Variants in HS6ST3 observed in about 807,000 individuals in gnomAD.
HS6ST3 encodes the protein heparan-sulfate 6-O-sulfotransferase 3.
In HS6ST3, 12 loss-of-function variants were observed where a neutral mutation model predicts 36.7. The observed-to-expected ratio is 0.33, with a 90% confidence interval of 0.21 to 0.53. HS6ST3 has a LOEUF of 0.53. Among genes scored for constraint, HS6ST3 ranks in the 20% least tolerant of loss-of-function variants. HS6ST3 has a pLI of 0.95. For synonymous variants in HS6ST3, 240 were observed against 257.5 expected (o/e 0.93, Z 0.65); for missense variants, 584 against 640.9 (o/e 0.91, Z 0.96).
intron 1 of HS6ST3, among the ~76,000 whole-genome samples, chr13:96,381,400 A>ATGTATCTG (rs2055340278): frequency 8.2e-6 from 1 of 121,924 alleles, no homozygotes; most frequent in Non-Finnish European, 1.7e-5. Flanking sequence ...CTATGTATCT[A>ATGTATCTG]TGTATCTATG....
At position 96,091,016 on chromosome 13, in the gene HS6ST3, C is replaced by T. The variant is rs768829684; in HGVS notation, c.154C>T (p.Pro52Ser). Reference sequence around the variant, plus strand: ...GGGGGAGGCCGGCCCGCCCGCCGTCCCGGGTCCCGCCCGCCGGGCTCAGGC... The same window carrying T: ...GGGGGAGGCCGGCCCGCCCGCCGTCTCGGGTCCCGCCCGCCGGGCTCAGGC... ...RAGEAGPPAV[P>S]GPARRAQAPP... The change falls in exon 1 of 2, where the codon CCG (proline) becomes TCG (serine). Residue 52 changes from proline (P) to serine (S), a missense_variant. Pro to Ser is a moderately conservative substitution (Grantham distance 74, BLOSUM62 -1). Around this residue, in one of 3 missense-constraint regions of HS6ST3, gnomAD observed 217 missense variants for 205.4 expected, o/e 1.06. Transcript: ENST00000376705. 4.0e-6 allele frequency: 5 copies of T among 1,265,170 alleles called. No homozygotes were observed. The highest frequency in any genetic ancestry group is 6.1e-5 in the East Asian group (2 of 32,552). The allele number at this position is 1,265,170 out of a possible 1,614,324, so 78.4% of individuals were successfully genotyped here.
At chr13:96,498,499 G>T (rs2055988344) in intron 1 of HS6ST3, among the ~76,000 whole-genome samples, 2 of 152,114 alleles carry the variant, frequency 1.3e-5, no homozygotes, top group Non-Finnish European at 2.9e-5. Context: ...GTCTCCTCCT[G>T]ATTGAAGCCT....
At chr13:96,719,417 T>G (rs1427010425) in intron 1 of HS6ST3, among the ~76,000 whole-genome samples, 1 of 152,112 alleles carries the variant, frequency 6.6e-6, no homozygotes, top group South Asian at 2.1e-4. Flanking sequence ...GTAATGTTTG[T>G]GTTTTGACTT....
chr13:96,792,173 G>T (rs973821880), intron 1 of HS6ST3, among the ~76,000 whole-genome samples: 3 of 151,992 alleles, frequency 2.0e-5, no homozygotes, highest in Non-Finnish European at 4.4e-5. Context: ...ATTGTTTTCT[G>T]AGCACTTTGC....
chr13:96,456,766 A>G (rs530409527), intron 1 of HS6ST3, among the ~76,000 whole-genome samples: 1 of 152,158 alleles, frequency 6.6e-6, no homozygotes, highest in African/African-American at 2.4e-5. Flanking sequence ...TGGAATTTAT[A>G]AAACTTTACT....
At chr13:96,271,105 AG>A in intron 1 of HS6ST3, among the ~76,000 whole-genome samples, 2 of 151,910 alleles carry the variant, frequency 1.3e-5, no homozygotes, top group Admixed American at 1.3e-4. Flanking sequence ...GGGGAAGAAA[AG>A]TGCCCTGGTG....
intron 1 of HS6ST3, among the ~76,000 whole-genome samples, chr13:96,353,814 A>G (rs973904832): frequency 6.6e-6 from 1 of 152,218 alleles, no homozygotes; most frequent in African/African-American, 2.4e-5. Flanking sequence ...TTGCCAACAT[A>G]TAAAGGATTT....
intron 1 of HS6ST3, among the ~76,000 whole-genome samples, chr13:96,334,386 C>T (rs759515674): frequency 5.9e-5 from 9 of 152,254 alleles, no homozygotes; most frequent in Non-Finnish European, 1.3e-4. Flanking sequence ...TCCCTGACGT[C>T]TCCCCAGAAG....
chr13:96,584,395 C>T (rs2056353343), intron 1 of HS6ST3, among the ~76,000 whole-genome samples: 1 of 152,138 alleles, frequency 6.6e-6, no homozygotes, highest in South Asian at 2.1e-4. Context: ...CTGCCCACCT[C>T]AGCCTCCCAA....
intron 1 of HS6ST3, among the ~76,000 whole-genome samples, chr13:96,516,334 T>C (rs1193156816): frequency 1.3e-5 from 2 of 152,042 alleles, no homozygotes; most frequent in Non-Finnish European, 2.9e-5. Flanking sequence ...GGATTATGAG[T>C]GTGAGCCACC....
In HS6ST3 at chr13:96,358,308, A is replaced by G. The variant is rs1438137418; in HGVS notation, c.707+266739A>G. ...CATACTATCTCATCACAGGCTACCT[A>G]TCTAATACAAAGTGAAAATGTGCTT... On this transcript the variant is annotated intron_variant, in intron 1 of 1. Coordinates refer to ENST00000376705, the MANE Select transcript of HS6ST3 (RefSeq NM_153456.4). Among the ~76,000 whole-genome samples the G allele has an allele frequency of 4.1e-5, 6 of 147,016 alleles. No homozygotes were observed. The East Asian group carries it at 8.1e-4, about 20-fold the overall frequency.
At chr13:96,702,165 G>A (rs754977246) in intron 1 of HS6ST3, among the ~76,000 whole-genome samples, 1 of 152,142 alleles carries the variant, frequency 6.6e-6, no homozygotes, top group African/African-American at 2.4e-5. Context: ...GGCAACATTG[G>A]GTTATGGTTT....
chr13:96,655,904 T>A (rs1233957621), intron 1 of HS6ST3, among the ~76,000 whole-genome samples: 1 of 152,132 alleles, frequency 6.6e-6, no homozygotes, highest in Non-Finnish European at 1.5e-5. Context: ...ATTGTGCATC[T>A]CAAGGACGAA....
rs560606798 is a variant in HS6ST3, at chr13:96,129,081, A to T, written c.707+37512A>T. Among the ~76,000 whole-genome samples, 19 of 152,280 alleles carry T rather than the reference A, an allele frequency of 1.2e-4. 1 individual carries two copies. The highest frequency in any genetic ancestry group is 1.2e-3 in the South Asian group (6 of 4,828). ...AGCCTCATCTCCAACTCCTGACCTC[A>T]GGTGATCCGTCTGCTTCAGCCTCCC... On this transcript the variant is annotated intron_variant, in intron 1 of 1. Coordinates refer to ENST00000376705, the MANE Select transcript of HS6ST3 (RefSeq NM_153456.4).
chr13:96,491,321 C>T (rs568938610), intron 1 of HS6ST3, among the ~76,000 whole-genome samples: 81 of 152,154 alleles, frequency 5.3e-4, no homozygotes, highest in Non-Finnish European at 1.0e-3. Context: ...TTTCAGTATT[C>T]TGTGGCAGGT....
intron 1 of HS6ST3, among the ~76,000 whole-genome samples, chr13:96,489,512 T>G (rs1234053964): frequency 6.6e-6 from 1 of 152,132 alleles, no homozygotes; most frequent in Non-Finnish European, 1.5e-5. Context: ...CTGTCTCACC[T>G]TAGTTCCTAG....
At chr13:96,116,208 A>C (rs138731445) in intron 1 of HS6ST3, among the ~76,000 whole-genome samples, 103 of 152,308 alleles carry the variant, frequency 6.8e-4, no homozygotes, top group African/African-American at 2.4e-3. Context: ...ACTCGAGTGC[A>C]TAGTCTGTTC....
chr13:96,689,507 A>G (rs1029867417), intron 1 of HS6ST3, among the ~76,000 whole-genome samples: 1 of 151,712 alleles, frequency 6.6e-6, no homozygotes, highest in African/African-American at 2.4e-5. Context: ...CAGGTGCATC[A>G]TGGCTTATGC....
At chr13:96,353,418 T>A (rs1034863154) in intron 1 of HS6ST3, among the ~76,000 whole-genome samples, 1 of 152,148 alleles carries the variant, frequency 6.6e-6, no homozygotes, top group Non-Finnish European at 1.5e-5. Context: ...CAATTTAATG[T>A]ATGGTATTGT....
Sources: gnomAD v4.1 joint callset for allele counts (sites outside exome capture counted in the v4.1 genomes callset) on GRCh38, gnomAD v4.1.1 for gene constraint, gnomAD v4.1.1 regional missense constraint, MANE v1.5 for transcripts, NCBI Gene and HGNC (gene_info 2026-07-23, HGNC 2026-07-21) for gene names.